The following RAB8B variants were observed in gnomAD, a reference collection of about 807,000 sequenced individuals.
RAB8B encodes RAB8B, member RAS oncogene family, also known as ras-related protein Rab-8B.
RAB8B carries 11 observed loss-of-function variants against 32.0 expected under a neutral mutation model. That is an observed-to-expected ratio of 0.34 (90% CI 0.22 to 0.57). The LOEUF is 0.57. RAB8B is among the 20% of genes least tolerant of loss of function. RAB8B has a pLI of 0.86. For missense variants in RAB8B, 190 were observed against 258.5 expected, an observed-to-expected ratio of 0.73 and a Z score of 1.82; for synonymous variants, 103 against 89.6, an observed-to-expected ratio of 1.15 and a Z score of -0.85.
At chr15:63,260,888 G>A (rs947088929) in intron 6 of RAB8B, among the ~76,000 whole-genome samples, 3 of 152,042 alleles carry the variant, frequency 2.0e-5, no homozygotes, top group African/African-American at 4.8e-5. Context: ...GTTAAAAATC[G>A]AGACCTACAT....
At chr15:63,223,239 G>A (rs1213335077) in intron 1 of RAB8B, among the ~76,000 whole-genome samples, 1 of 151,968 alleles carries the variant, frequency 6.6e-6, no homozygotes. Flanking sequence ...AGCCTCCCAA[G>A]TAGCTGGTAC....
At chr15:63,257,561 C>G (rs1300572775) in intron 5 of RAB8B, among the ~76,000 whole-genome samples, 1 of 152,048 alleles carries the variant, frequency 6.6e-6, no homozygotes, top group African/African-American at 2.4e-5. Context: ...GGCACCATGC[C>G]CAGCCACATT....
intron 2 of RAB8B, among the ~76,000 whole-genome samples, chr15:63,247,618 A>G (rs1000044331): frequency 6.6e-6 from 1 of 152,224 alleles, no homozygotes; most frequent in African/African-American, 2.4e-5. Flanking sequence ...TCTAATGTGT[A>G]TTGATGACAG....
intron 1 of RAB8B, among the ~76,000 whole-genome samples, chr15:63,238,620 T>G (rs560092574): frequency 5.3e-5 from 8 of 152,282 alleles, no homozygotes; most frequent in African/African-American, 1.9e-4. Flanking sequence ...AATATAAAAT[T>G]TTATTAATGA....
At chr15:63,192,416 G>A (rs1157111180) in intron 1 of RAB8B, among the ~76,000 whole-genome samples, 1 of 152,174 alleles carries the variant, frequency 6.6e-6, no homozygotes, top group Non-Finnish European at 1.5e-5. Context: ...TTACTGAGGT[G>A]ACAGCCCATC....
Position 63,256,032 on chromosome 15 carries a change from T to G in RAB8B, c.324+448T>G, listed in dbSNP as rs1044053364. ...TTCTCCATCTTAGATATTTGAAGAT[T>G]GTTTTAATTCCAGGATAATTGGTAT... On this transcript the variant is annotated intron_variant, in intron 4 of 7. Transcript: ENST00000321437. 6.2e-4 allele frequency among the ~76,000 whole-genome samples: 95 copies of G among 152,382 alleles called. 1 individual carries two copies. Among genetic ancestry groups the G allele is most frequent in the African/African-American group, 2.2e-3 (92 of 41,590 alleles).
chr15:63,191,179 G>T (rs145587192), intron 1 of RAB8B, among the ~76,000 whole-genome samples: 1 of 152,130 alleles, frequency 6.6e-6, no homozygotes, highest in Non-Finnish European at 1.5e-5. Context: ...GTCATCTTTC[G>T]TATGGTTCTT....
intron 1 of RAB8B, among the ~76,000 whole-genome samples, chr15:63,233,985 C>T (rs1053868163): frequency 2.0e-5 from 3 of 152,000 alleles, no homozygotes; most frequent in African/African-American, 7.3e-5. Flanking sequence ...AATTTTTTTT[C>T]AAGGTTCTCA....
At chr15:63,239,621 G>A (rs2038015319) in intron 1 of RAB8B, among the ~76,000 whole-genome samples, 1 of 152,046 alleles carries the variant, frequency 6.6e-6, no homozygotes, top group Non-Finnish European at 1.5e-5. Flanking sequence ...ATGTTGGCCA[G>A]GCTGGCCAAC....
rs2038258548 is a variant in RAB8B at position 63,267,538 on chromosome 15, T to C, written c.*3919T>C. ...GCCCCTAATGGAAACTCTCTAGTTT[T>C]TCCATATAACTATCCTACTGTACAT... On this transcript the variant is annotated 3_prime_UTR_variant, in exon 8 of 8. Coordinates refer to ENST00000321437, the MANE Select transcript of RAB8B (RefSeq NM_016530.3). 6.6e-6 allele frequency: 1 copy of C among 152,248 alleles called. No homozygotes were observed. Among genetic ancestry groups the C allele is most frequent in the African/African-American group, 2.4e-5 (1 of 41,462 alleles). The allele number at this position is 152,248 out of a possible 1,614,324, so 9.4% of individuals were successfully genotyped here. A position where few individuals can be genotyped will look rare whatever the true frequency, so the allele number is the denominator to read the frequency against.
In RAB8B at chr15:63,248,492, A is replaced by G. The variant is rs1299486954; in HGVS notation, c.186-1153A>G. On this transcript the variant is annotated intron_variant, in intron 2 of 7. Transcript: ENST00000321437. This position sits in a 1 kb window ranked among gnomAD's most constrained non-coding sequence, Gnocchi z 4.4. ...GTGCCACTGGACCCCAGCCTGGGTG[A>G]CAGAGCGAGACTCCATCTCAAAAAC... Among the ~76,000 whole-genome samples, 1 of 152,168 alleles carries G rather than the reference A, an allele frequency of 6.6e-6. No homozygotes were observed. The highest frequency in any genetic ancestry group is 1.5e-5 in the Non-Finnish European group (1 of 68,028).
chr15:63,215,996 T>G (rs1336237079), intron 1 of RAB8B, among the ~76,000 whole-genome samples: 1 of 151,812 alleles, frequency 6.6e-6, no homozygotes, highest in Non-Finnish European at 1.5e-5. Flanking sequence ...CTTGTTTGTG[T>G]CACTGCACTC....
intron 1 of RAB8B, among the ~76,000 whole-genome samples, chr15:63,204,219 T>G (rs2037678408): frequency 6.6e-6 from 1 of 152,152 alleles, no homozygotes; most frequent in Non-Finnish European, 1.5e-5. Context: ...CTTAATAAAA[T>G]TTAGGACTAC....
At chr15:63,215,343 T>A (rs571460927) in intron 1 of RAB8B, among the ~76,000 whole-genome samples, 1 of 152,376 alleles carries the variant, frequency 6.6e-6, no homozygotes, top group South Asian at 2.1e-4. Flanking sequence ...CTTGATATTT[T>A]TTACTTAACT....
In RAB8B at chr15:63,235,375, T is replaced by C. The variant is rs77152456; in HGVS notation, c.125-9381T>C. Among the ~76,000 whole-genome samples the C allele has an allele frequency of 9.3e-3, 1,424 of 152,306 alleles. 12 individuals carry two copies. The highest frequency in any genetic ancestry group is 0.014 in the Non-Finnish European group (974 of 68,020). On this transcript the variant is annotated intron_variant, in intron 1 of 7. Transcript: ENST00000321437. ...ATCTCTAAAATTTGGTTTGGTTTTT[T>C]ACTGCCGTTAATGAACATACCTCCA...
At chr15:63,245,806 C>T (rs1485079310) in intron 2 of RAB8B, among the ~76,000 whole-genome samples, 5 of 152,108 alleles carry the variant, frequency 3.3e-5, no homozygotes, top group African/African-American at 9.7e-5. Context: ...AGTCTAAACA[C>T]GAAATTCATT....
At chr15:63,256,989 A>G (rs979676051) in intron 5 of RAB8B, among the ~76,000 whole-genome samples, 8 of 152,206 alleles carry the variant, frequency 5.3e-5, no homozygotes, top group African/African-American at 1.9e-4. Context: ...TCATTTTCCA[A>G]TTCATTTTTT....
At chr15:63,214,992 C>T (rs1161561102) in intron 1 of RAB8B, among the ~76,000 whole-genome samples, 1 of 152,192 alleles carries the variant, frequency 6.6e-6, no homozygotes, top group Non-Finnish European at 1.5e-5. Context: ...AGTTTGCAAT[C>T]TTCACAGGTT....
chr15:63,225,797 T>G (rs2037884038), intron 1 of RAB8B, among the ~76,000 whole-genome samples: 1 of 152,202 alleles, frequency 6.6e-6, no homozygotes, highest in Non-Finnish European at 1.5e-5. Context: ...TTTTTCTTGT[T>G]TAGCTCATTG....
Sources: gnomAD v4.1 joint callset for allele counts (sites outside exome capture counted in the v4.1 genomes callset) on GRCh38, gnomAD v4.1.1 for gene constraint, Gnocchi (gnomAD v3.1) non-coding constraint, MANE v1.5 for transcripts, NCBI Gene and HGNC (gene_info 2026-07-23, HGNC 2026-07-21) for gene names.